The following CSNK1G3 variants were observed in gnomAD, a reference collection of about 807,000 sequenced individuals.
CSNK1G3 encodes the protein casein kinase I isoform gamma-3.
A neutral mutation model predicts 64.3 loss-of-function variants in CSNK1G3; 23 were observed. That is an observed-to-expected ratio of 0.36 (90% confidence interval 0.26 to 0.51). The LOEUF (loss-of-function observed/expected upper bound fraction) is 0.51. CSNK1G3 is among the 20% of genes least tolerant of loss of function. The probability of loss-of-function intolerance (pLI) is 0.96; values close to 1 mark genes in which losing one functional copy is unlikely to be tolerated. For synonymous variants in CSNK1G3, 158 were observed against 162.2 expected (o/e 0.97, Z 0.20); for missense variants, 357 against 510.5 (o/e 0.70, Z 2.90).
intron 1 of CSNK1G3, among the ~76,000 whole-genome samples, chr5:123,521,484 C>T (rs192579669): frequency 6.6e-6 from 1 of 152,250 alleles, no homozygotes; most frequent in African/African-American, 2.4e-5. Flanking sequence ...AAGTCGATAA[C>T]TAGAATGCAT....
At chr5:123,588,000 C>A (rs977913870) in intron 6 of CSNK1G3, 68 bp from the exon 7 acceptor site, 7 of 992,846 alleles carry the variant, frequency 7.1e-6, no homozygotes, top group South Asian at 6.0e-5. Context: ...AATGAAAGAA[C>A]AAACTCTCCA....
At chr5:123,581,645 C>A (rs147358551) in intron 6 of CSNK1G3, among the ~76,000 whole-genome samples, 32 of 150,936 alleles carry the variant, frequency 2.1e-4, no homozygotes, top group African/African-American at 7.5e-4. Flanking sequence ...TGAACTGTTC[C>A]TGTGTATTGT....
intron 1 of CSNK1G3, among the ~76,000 whole-genome samples, chr5:123,521,573 AAAAG>A (rs1376023221): frequency 2.0e-5 from 3 of 152,158 alleles, no homozygotes; most frequent in African/African-American, 7.2e-5. Context: ...TTAAGACTGA[AAAAG>A]AAATCCTGAG....
At chr5:123,575,512 T>G (rs1351801077) in intron 5 of CSNK1G3, among the ~76,000 whole-genome samples, 1 of 152,208 alleles carries the variant, frequency 6.6e-6, no homozygotes, top group African/African-American at 2.4e-5. Context: ...ATTCAAATAC[T>G]CTCGTTTAGC....
chr5:123,597,402 G>A (rs775366762), intron 10 of CSNK1G3, among the ~76,000 whole-genome samples: 2 of 152,024 alleles, frequency 1.3e-5, no homozygotes, highest in Non-Finnish European at 2.9e-5. Context: ...GAAATGTGAC[G>A]CAGGTTTAGG....
At chr5:123,526,534 C>T (rs1009210816) in intron 1 of CSNK1G3, among the ~76,000 whole-genome samples, 9 of 152,034 alleles carry the variant, frequency 5.9e-5, no homozygotes, top group Non-Finnish European at 4.4e-5. Flanking sequence ...ATAATCAAAA[C>T]ACAAAAACAG....
intron 1 of CSNK1G3, among the ~76,000 whole-genome samples, chr5:123,525,171 C>G (rs887940235): frequency 6.6e-6 from 1 of 151,292 alleles, no homozygotes; most frequent in Non-Finnish European, 1.5e-5. Context: ...GCCTTTAGCA[C>G]ATAATAGGTC....
chr5:123,578,998 G>GT (rs1789714550), intron 6 of CSNK1G3, among the ~76,000 whole-genome samples: 1 of 151,962 alleles, frequency 6.6e-6, no homozygotes. Flanking sequence ...AGACAGAAAT[G>GT]TGAACCAATC....
intron 6 of CSNK1G3, among the ~76,000 whole-genome samples, chr5:123,581,835 G>C (rs1790357170): frequency 6.6e-6 from 1 of 151,904 alleles, no homozygotes; most frequent in South Asian, 2.1e-4. Flanking sequence ...AGGAAATATA[G>C]TGAACCTTTT....
intron 6 of CSNK1G3, among the ~76,000 whole-genome samples, chr5:123,582,273 T>G (rs1293493028): frequency 6.6e-6 from 1 of 152,104 alleles, no homozygotes; most frequent in African/African-American, 2.4e-5. Context: ...CCAATCAACA[T>G]TGATTAAGTG....
intron 1 of CSNK1G3, among the ~76,000 whole-genome samples, chr5:123,530,417 A>G (rs928337174): frequency 1.3e-5 from 2 of 152,226 alleles, no homozygotes; most frequent in Non-Finnish European, 1.5e-5. Context: ...CTCCTGTGCC[A>G]TAATACAGTA....
chr5:123,616,645 TA>T (rs1165518538), exon 13 of CSNK1G3: 1 of 152,624 alleles, frequency 6.6e-6, no homozygotes, highest in Non-Finnish European at 1.5e-5. Context: ...TTTGCATTTT[TA>T]TGCTTATTTT....
At chr5:123,568,581 C>T (rs929687208) in intron 4 of CSNK1G3, among the ~76,000 whole-genome samples, 4 of 152,160 alleles carry the variant, frequency 2.6e-5, no homozygotes, top group Non-Finnish European at 5.9e-5. Context: ...GAAAGGTCGA[C>T]GTTGAGTTCT....
chr5:123,580,131 G>T (rs2150808850), intron 6 of CSNK1G3, among the ~76,000 whole-genome samples: 1 of 151,962 alleles, frequency 6.6e-6, no homozygotes, highest in South Asian at 2.1e-4. Flanking sequence ...ATTTTAATTT[G>T]TGCGTATCTT....
chr5:123,592,712 A>G (rs1194958475), intron 10 of CSNK1G3, among the ~76,000 whole-genome samples: 1 of 150,696 alleles, frequency 6.6e-6, no homozygotes, highest in Non-Finnish European at 1.5e-5. Flanking sequence ...AAAATGCTAC[A>G]TTTTAGGGAG....
intron 5 of CSNK1G3, among the ~76,000 whole-genome samples, chr5:123,574,668 A>G (rs1017005560): frequency 6.6e-6 from 1 of 152,032 alleles, no homozygotes; most frequent in Non-Finnish European, 1.5e-5. Flanking sequence ...AAAAATAAAA[A>G]TAAAAAAAAA....
intron 10 of CSNK1G3, among the ~76,000 whole-genome samples, chr5:123,593,202 TACACAC>T (rs1554081831): frequency 4.9e-4 from 72 of 146,930 alleles, no homozygotes; most frequent in African/African-American, 1.3e-3. Flanking sequence ...TGTGTATATA[TACACAC>T]ACACACACAC....
At chr5:123,519,348 C>T (rs992522643) in intron 1 of CSNK1G3, among the ~76,000 whole-genome samples, 5 of 152,294 alleles carry the variant, frequency 3.3e-5, no homozygotes, top group African/African-American at 7.2e-5. Flanking sequence ...CCACTGTGCC[C>T]GGCTGGGTCT....
intron 4 of CSNK1G3, among the ~76,000 whole-genome samples, chr5:123,563,949 G>T (rs1372274752): frequency 1.3e-5 from 2 of 152,050 alleles, no homozygotes; most frequent in Non-Finnish European, 2.9e-5. Flanking sequence ...AACAGTTTAT[G>T]TAGCAGATTC....
Sources: allele counts gnomAD v4.1 joint callset (sites outside exome capture counted in the v4.1 genomes callset), GRCh38; gene constraint gnomAD v4.1.1; transcripts MANE v1.5; gene names NCBI Gene and HGNC (gene_info 2026-07-23, HGNC 2026-07-21).